The following RGS6 variants were observed in gnomAD, a reference collection of about 807,000 sequenced individuals.
The protein encoded by RGS6 is regulator of G protein signaling 6, also known as regulator of G-protein signaling 6.
RGS6 carries 30 observed loss-of-function variants against 78.5 expected under a neutral mutation model. That is an observed-to-expected ratio of 0.38 (90% CI 0.29 to 0.52). The LOEUF (loss-of-function observed/expected upper bound fraction) is 0.52. RGS6 is among the 20% of genes least tolerant of loss of function. RGS6 has a pLI of 0.85. For synonymous variants in RGS6, 206 were observed against 206.0 expected, an observed-to-expected ratio of 1.00 and a Z score of 0.00; for missense variants, 495 against 609.7, an observed-to-expected ratio of 0.81 and a Z score of 1.98.
In RGS6 at chr14:71,939,874, T is replaced by C. The variant is rs1566872514; in HGVS notation, c.-21+6933T>C. 2.0e-5 allele frequency among the ~76,000 whole-genome samples: 3 copies of C among 152,344 alleles called. No individual in the cohort carries two copies. The South Asian group carries it at 6.2e-4, about 32-fold the overall frequency. Reference sequence around the variant, plus strand: ...TCCCTCCAGGCACATGATACTGTTTTTGATTTGCTATTTTTCTAGGTAGAG... The same window carrying C: ...TCCCTCCAGGCACATGATACTGTTTCTGATTTGCTATTTTTCTAGGTAGAG... On this transcript the variant is annotated intron_variant, in intron 1 of 17. Coordinates refer to ENST00000553525, the MANE Select transcript of RGS6 (RefSeq NM_001204424.2).
At chr14:71,882,982 G>T in the RGS6 span, among the ~76,000 whole-genome samples, 1 of 152,136 alleles carries the variant, frequency 6.6e-6, no homozygotes, top group Non-Finnish European at 1.5e-5. Context: ...ACTTCCTCCT[G>T]TGCCAGGCTT....
chr14:72,222,903 A>G (rs2238236), intron 2 of RGS6, among the ~76,000 whole-genome samples: 9,138 of 152,266 alleles, frequency 0.06, 453 homozygotes, highest in East Asian at 0.32. Flanking sequence ...TGTACTCACA[A>G]TAGTTAAATA....
intron 2 of RGS6, among the ~76,000 whole-genome samples, chr14:72,036,612 C>A (rs1189482964): frequency 6.6e-6 from 1 of 152,116 alleles, no homozygotes; most frequent in Non-Finnish European, 1.5e-5. Flanking sequence ...TTTGCCGACC[C>A]TACGTCCCCT....
chr14:71,966,806 T>C (rs2093547607), intron 2 of RGS6, among the ~76,000 whole-genome samples: 1 of 152,174 alleles, frequency 6.6e-6, no homozygotes. Flanking sequence ...AGGAAATAAA[T>C]GATAAAATCT....
intron 3 of RGS6, among the ~76,000 whole-genome samples, chr14:72,378,820 A>G (rs2085363025): frequency 6.6e-6 from 1 of 152,128 alleles, no homozygotes; most frequent in Non-Finnish European, 1.5e-5. Flanking sequence ...AGTAGAGGAA[A>G]TTTTTCCTAA....
chr14:72,551,628 C>T (rs1236763265), intron 17 of RGS6, among the ~76,000 whole-genome samples: 1 of 152,230 alleles, frequency 6.6e-6, no homozygotes, highest in Non-Finnish European at 1.5e-5. Flanking sequence ...TCGAGACAGG[C>T]AACCCCAGCT....
chr14:71,891,323 G>A, the RGS6 span, among the ~76,000 whole-genome samples: 5 of 152,278 alleles, frequency 3.3e-5, no homozygotes, highest in Admixed American at 3.3e-4. Context: ...GGGAGCTACG[G>A]TCATCTGAAG....
At chr14:72,077,306 G>A (rs1031848169) in intron 2 of RGS6, among the ~76,000 whole-genome samples, 6 of 151,848 alleles carry the variant, frequency 4.0e-5, no homozygotes, top group Non-Finnish European at 7.4e-5. Context: ...ATTTGTAATG[G>A]CTCTCTATAT....
intron 13 of RGS6, among the ~76,000 whole-genome samples, chr14:72,500,421 A>G (rs1448848777): frequency 6.6e-6 from 1 of 152,214 alleles, no homozygotes; most frequent in Non-Finnish European, 1.5e-5. Flanking sequence ...ACTCCAGCCA[A>G]GGGATGGTTT....
the RGS6 span, among the ~76,000 whole-genome samples, chr14:71,923,612 G>A: frequency 6.6e-6 from 1 of 152,096 alleles, no homozygotes; most frequent in East Asian, 1.9e-4. Flanking sequence ...CAATAAAAAC[G>A]TATGAACTGC....
At chr14:72,415,683 C>T (rs2093756966) in intron 3 of RGS6, among the ~76,000 whole-genome samples, 1 of 151,658 alleles carries the variant, frequency 6.6e-6, no homozygotes, top group African/African-American at 2.4e-5. Context: ...CTTGGCTCCA[C>T]CCCCCCGGCA....
At chr14:71,927,900 C>T (rs1315497481), upstream of RGS6, among the ~76,000 whole-genome samples, 9 of 152,134 alleles carry the variant, frequency 5.9e-5, no homozygotes, top group South Asian at 8.3e-4. Flanking sequence ...CCTCGTGATC[C>T]GCCCGTCTCG....
intron 17 of RGS6, among the ~76,000 whole-genome samples, chr14:72,552,223 CTTATTT>C (rs887140713): frequency 6.6e-6 from 1 of 152,194 alleles, no homozygotes; most frequent in Non-Finnish European, 1.5e-5. Flanking sequence ...TGATTGTTGG[CTTATTT>C]TTAAAGTCAA....
chr14:72,537,489 C>A (rs955268122), intron 16 of RGS6: 3 of 702,244 alleles, frequency 4.3e-6, no homozygotes, highest in Non-Finnish European at 5.2e-6. Flanking sequence ...GTCAGCAGCT[C>A]TCTGGGTTTC....
chr14:72,513,822 T>C (rs1350932039), intron 14 of RGS6: 1 of 152,236 alleles, frequency 6.6e-6, no homozygotes, highest in African/African-American at 2.4e-5. Flanking sequence ...CCGTACATTT[T>C]TTGTGAGCTG....
At chr14:72,301,507 C>G (rs1223352240) in intron 2 of RGS6, among the ~76,000 whole-genome samples, 2 of 152,040 alleles carry the variant, frequency 1.3e-5, no homozygotes, top group African/African-American at 2.4e-5. Flanking sequence ...CATTTTCTCT[C>G]TCACCACATA....
the RGS6 span, among the ~76,000 whole-genome samples, chr14:72,581,679 C>T: frequency 5.3e-5 from 8 of 152,256 alleles, no homozygotes; most frequent in Admixed American, 4.6e-4. Context: ...AGCCTATGCA[C>T]ATGCTGCCAC....
In RGS6 at chr14:72,540,059, C is replaced by T. The variant is rs1478594532; in HGVS notation, c.1387C>T (p.Arg463Cys). Residue 463 changes from arginine (R) to cysteine (C), a missense_variant, in exon 17 of 18, where the codon CGT (arginine) becomes TGT (cysteine). Transcript: ENST00000553525. ...CCTAAAGCCAGAAAGTGAGCAAGGT[C>T]GTAGAACTTCCCTAGAAAAGTTCAC... ...AKKKPESEQGRRTSLEKFTRS... is the reference protein window; with the variant it reads ...AKKKPESEQGCRTSLEKFTRS... 3 of 1,584,494 alleles carry T rather than the reference C, an allele frequency of 1.9e-6. No homozygotes were observed. Among genetic ancestry groups the T allele is most frequent in the African/African-American group, 1.4e-5 (1 of 73,316 alleles).
intron 2 of RGS6, among the ~76,000 whole-genome samples, chr14:72,160,733 A>G (rs1229958280): frequency 6.6e-6 from 1 of 152,190 alleles, no homozygotes; most frequent in Non-Finnish European, 1.5e-5. Flanking sequence ...ATGTGAAGAC[A>G]TTTACAAGCC....
Sources: gnomAD v4.1 joint callset for allele counts (sites outside exome capture counted in the v4.1 genomes callset) on GRCh38, gnomAD v4.1.1 for gene constraint, MANE v1.5 for transcripts, NCBI Gene and HGNC (gene_info 2026-07-23, HGNC 2026-07-21) for gene names.